The following SLC4A7 variants were observed in gnomAD, a reference collection of about 807,000 sequenced individuals.
SLC4A7 encodes solute carrier family 4 member 7, also known as sodium bicarbonate cotransporter 3.
Under a neutral mutation model 137.6 loss-of-function variants are expected in SLC4A7, and 51 were observed. The ratio of observed to expected loss-of-function variants is 0.37; its 90% CI spans 0.30 to 0.47. The LOEUF (loss-of-function observed/expected upper bound fraction) is 0.47, where lower values mean the gene tolerates loss of function less well. SLC4A7 is among the 20% of genes least tolerant of loss of function. SLC4A7 has a pLI of 1.00. For synonymous variants in SLC4A7, 542 were observed against 518.6 expected (o/e 1.05, Z -0.61); for missense variants, 1,247 against 1,525.4 (o/e 0.82, Z 3.04).
chr3:27,480,871 A>T (rs1185650903), intron 1 of SLC4A7, among the ~76,000 whole-genome samples: 2 of 152,204 alleles, frequency 1.3e-5, no homozygotes, highest in Non-Finnish European at 2.9e-5. Context: ...AAATGCCATC[A>T]CTGTGTTCAC....
rs899824506 is a variant in SLC4A7 at position 27,374,415 on chromosome 3, A to G, written c.*2349T>C. 1 of 152,580 alleles carries G rather than the reference A, an allele frequency of 6.6e-6. No homozygotes were observed. Among genetic ancestry groups the G allele is most frequent in the Non-Finnish European group, 1.5e-5 (1 of 67,950 alleles). 9.5% of individuals were successfully genotyped at this position (152,580 alleles called of 1,614,324 possible). A position where few individuals can be genotyped will look rare whatever the true frequency, so the allele number is the denominator to read the frequency against. On this transcript the variant is annotated 3_prime_UTR_variant, in exon 26 of 26. Coordinates refer to ENST00000454389, the MANE Select transcript of SLC4A7 (RefSeq NM_001321103.2). ...AAGGCAACTTTATTTAAAAATCAAT[A>G]TATGTAGTAAATTATATCTGTCACT... is the stretch of plus-strand genomic sequence containing the variant.
At chr3:27,451,222 C>G (rs2058055036) in intron 2 of SLC4A7, among the ~76,000 whole-genome samples, 1 of 151,920 alleles carries the variant, frequency 6.6e-6, no homozygotes, top group African/African-American at 2.4e-5. Context: ...AACTTTGTTT[C>G]TCTGTCCATC....
chr3:27,421,108 T>C (rs1367710433), intron 9 of SLC4A7, among the ~76,000 whole-genome samples: 1 of 152,060 alleles, frequency 6.6e-6, no homozygotes, highest in African/African-American at 2.4e-5. Flanking sequence ...ATTTATTTTA[T>C]TGTACTTTTT....
intron 1 of SLC4A7, among the ~76,000 whole-genome samples, chr3:27,479,400 A>C (rs1230883402): frequency 1.3e-5 from 2 of 150,018 alleles, no homozygotes; most frequent in Non-Finnish European, 3.0e-5. Flanking sequence ...GGCAACCCTG[A>C]GGATGAGACC....
intron 13 of SLC4A7, among the ~76,000 whole-genome samples, chr3:27,405,187 T>A (rs1347407492): frequency 6.6e-6 from 1 of 152,176 alleles, no homozygotes; most frequent in African/African-American, 2.4e-5. Flanking sequence ...ACTTTTGTGA[T>A]CATCCTTAAT....
At chr3:27,475,962 A>G (rs1016978241) in intron 1 of SLC4A7, among the ~76,000 whole-genome samples, 1 of 152,188 alleles carries the variant, frequency 6.6e-6, no homozygotes, top group Non-Finnish European at 1.5e-5. Flanking sequence ...AAGCAGATGA[A>G]CAGAAAGAAA....
intron 3 of SLC4A7, among the ~76,000 whole-genome samples, chr3:27,442,093 C>T (rs1470769547): frequency 6.6e-6 from 1 of 152,002 alleles, no homozygotes; most frequent in Non-Finnish European, 1.5e-5. Context: ...CCAGGCTGTT[C>T]TTGAACTCCT....
intron 1 of SLC4A7, among the ~76,000 whole-genome samples, chr3:27,480,947 T>G (rs919061607): frequency 2.6e-5 from 4 of 152,156 alleles, no homozygotes; most frequent in African/African-American, 9.7e-5. Flanking sequence ...ATATCCCCAT[T>G]ACCTGGCACC....
chr3:27,434,715 T>C (rs1182694872), intron 5 of SLC4A7, among the ~76,000 whole-genome samples: 2 of 152,100 alleles, frequency 1.3e-5, no homozygotes, highest in African/African-American at 4.8e-5. Context: ...GCAATGCCAT[T>C]TTATACATTA....
At chr3:27,446,203 C>G (rs1000837535) in intron 3 of SLC4A7, among the ~76,000 whole-genome samples, 1 of 150,862 alleles carries the variant, frequency 6.6e-6, no homozygotes, top group African/African-American at 2.4e-5. Context: ...CTCAATAAAG[C>G]TAAAGGAAAA....
chr3:27,420,445 A>G (rs2054850554), intron 10 of SLC4A7, among the ~76,000 whole-genome samples: 1 of 152,184 alleles, frequency 6.6e-6, no homozygotes, highest in Non-Finnish European at 1.5e-5. Flanking sequence ...AAATTTCGAA[A>G]GTTCAAGAAG....
intron 3 of SLC4A7, among the ~76,000 whole-genome samples, chr3:27,442,381 T>C (rs1052293132): frequency 1.8e-4 from 28 of 151,896 alleles, no homozygotes; most frequent in African/African-American, 6.8e-4. Flanking sequence ...ATGGGTTTTA[T>C]CCCATGAAAA....
At chr3:27,418,751 C>T (rs1025097245) in intron 10 of SLC4A7, 119 bp from the exon 11 acceptor site, 8 of 622,408 alleles carry the variant, frequency 1.3e-5, no homozygotes, top group Non-Finnish European at 1.9e-5. Flanking sequence ...AAACTCTTAT[C>T]TCAGGCAGGT....
At chr3:27,423,839 C>A (rs2055255955) in intron 8 of SLC4A7, 198 bp downstream of exon 8, 1 of 495,128 alleles carries the variant, frequency 2.0e-6, no homozygotes, top group East Asian at 3.4e-5. Context: ...TAAAGTTATT[C>A]AAGTACTCAC....
Position 27,484,382 on chromosome 3 carries a change from A to G in SLC4A7, c.-256T>C. 3.2e-6 allele frequency: 1 copy of G among 316,546 alleles called. No homozygotes were observed. 19.6% of individuals were successfully genotyped at this position (316,546 alleles called of 1,614,324 possible). The stretch of plus-strand genomic sequence containing the variant: ...CCGCGGCGTGGAACCTGAAGCTAGA[A>G]CTGAGCGAACCGGCGGACCGAGCGG... On this transcript the variant is annotated 5_prime_UTR_variant, in exon 1 of 26. Coordinates refer to ENST00000454389, the MANE Select transcript of SLC4A7 (RefSeq NM_001321103.2).
chr3:27,465,015 G>A (rs1055200134), intron 1 of SLC4A7, among the ~76,000 whole-genome samples: 3 of 151,880 alleles, frequency 2.0e-5, no homozygotes, highest in South Asian at 2.1e-4. Context: ...TTTCCCGGCC[G>A]TGTGACAAGA....
intron 8 of SLC4A7, among the ~76,000 whole-genome samples, chr3:27,422,080 T>A (rs937542956): frequency 3.9e-5 from 6 of 152,204 alleles, no homozygotes; most frequent in Non-Finnish European, 7.3e-5. Flanking sequence ...AGGACAAATA[T>A]GTAGTTCACA....
chr3:27,481,929 A>G (rs1189213360), intron 1 of SLC4A7, among the ~76,000 whole-genome samples: 1 of 152,154 alleles, frequency 6.6e-6, no homozygotes, highest in Non-Finnish European at 1.5e-5. Context: ...TGAGGTCAGG[A>G]GTTCGAGACC....
intron 22 of SLC4A7, among the ~76,000 whole-genome samples, chr3:27,387,472 ACCCCCC>A (rs1559631778): frequency 6.6e-6 from 1 of 151,792 alleles, no homozygotes. Context: ...CAATGACACC[ACCCCCC>A]ACCCCAACAC....
Sources: gnomAD v4.1 joint callset for allele counts (sites outside exome capture counted in the v4.1 genomes callset) on GRCh38, gnomAD v4.1.1 for gene constraint, MANE v1.5 for transcripts, NCBI Gene and HGNC (gene_info 2026-07-23, HGNC 2026-07-21) for gene names.